MATCAP2: variants seen among roughly 807,000 people sequenced by gnomAD.
MATCAP2 encodes the protein putative tyrosine carboxypeptidase MATCAP2.
chr7:36,356,853 T>C, the MATCAP2 span: 4 of 1,398,968 alleles, frequency 2.9e-6, no homozygotes, highest in Non-Finnish European at 1.0e-6. Flanking sequence ...TCACAGATAA[T>C]TGTTTTAGTA....
At chr7:36,374,502 A>C in the MATCAP2 span, among the ~76,000 whole-genome samples, 9 of 152,264 alleles carry the variant, frequency 5.9e-5, no homozygotes, top group South Asian at 1.9e-3. Flanking sequence ...AACAAGATTC[A>C]AAAACCCCTA....
the MATCAP2 span, among the ~76,000 whole-genome samples, chr7:36,386,036 T>C: frequency 6.6e-6 from 1 of 151,816 alleles, no homozygotes; most frequent in Admixed American, 6.6e-5. Flanking sequence ...ATGCCTGTTG[T>C]CCCAGCTACT....
chr7:36,389,945 G>A, the MATCAP2 span: 1 of 1,613,174 alleles, frequency 6.2e-7, no homozygotes, highest in East Asian at 2.2e-5. Context: ...TTTTCCAGGA[G>A]ACACACTGAG....
At chr7:36,340,461 T>C in the MATCAP2 span, among the ~76,000 whole-genome samples, 1 of 152,248 alleles carries the variant, frequency 6.6e-6, no homozygotes, top group Non-Finnish European at 1.5e-5. Flanking sequence ...TCACCTCCTT[T>C]GTTTCATCTT....
At chr7:36,357,086 C>T in the MATCAP2 span, 3 of 1,614,096 alleles carry the variant, frequency 1.9e-6, no homozygotes, top group African/African-American at 1.3e-5. Context: ...AAAGTCATCT[C>T]CCTTTTCAAA....
chr7:36,364,056 T>G, the MATCAP2 span, among the ~76,000 whole-genome samples: 1 of 151,582 alleles, frequency 6.6e-6, no homozygotes, highest in African/African-American at 2.4e-5. Flanking sequence ...TTTTTTTTTT[T>G]TAAATCCCGG....
chr7:36,345,783 T>C, the MATCAP2 span, among the ~76,000 whole-genome samples: 1 of 152,146 alleles, frequency 6.6e-6, no homozygotes, highest in Non-Finnish European at 1.5e-5. Context: ...TACATCTTCA[T>C]GACCCTGGAT....
chr7:36,387,431 AT>A, the MATCAP2 span, among the ~76,000 whole-genome samples: 1 of 152,094 alleles, frequency 6.6e-6, no homozygotes, highest in Non-Finnish European at 1.5e-5. Flanking sequence ...TTGTTTTCAA[AT>A]TTTTTTATTT....
At chr7:36,331,112 T>C in the MATCAP2 span, 39 of 1,374,032 alleles carry the variant, frequency 2.8e-5, no homozygotes, top group Non-Finnish European at 3.9e-5. Context: ...TACTTTCTGA[T>C]GTTCAGAAAA....
At chr7:36,337,464 CT>C in the MATCAP2 span, among the ~76,000 whole-genome samples, 1 of 152,096 alleles carries the variant, frequency 6.6e-6, no homozygotes, top group Non-Finnish European at 1.5e-5. Flanking sequence ...CAAAATTCAA[CT>C]CTATCTTACA....
the MATCAP2 span, among the ~76,000 whole-genome samples, chr7:36,352,618 A>C: frequency 6.6e-6 from 1 of 151,972 alleles, no homozygotes; most frequent in Non-Finnish European, 1.5e-5. Flanking sequence ...ACTTGAGGTC[A>C]GGAGTTCGAG....
At chr7:36,341,337 G>GA in the MATCAP2 span, among the ~76,000 whole-genome samples, 2 of 152,088 alleles carry the variant, frequency 1.3e-5, no homozygotes, top group Admixed American at 6.6e-5. Context: ...TGGGTAAGAA[G>GA]AAAAAAGAGA....
the MATCAP2 span, among the ~76,000 whole-genome samples, chr7:36,341,366 G>A: frequency 6.6e-6 from 1 of 152,172 alleles, no homozygotes; most frequent in Admixed American, 6.5e-5. Context: ...ATTGCATTCC[G>A]GGATATGTGG....
At chr7:36,333,273 T>TTAGA in the MATCAP2 span, among the ~76,000 whole-genome samples, 1 of 152,138 alleles carries the variant, frequency 6.6e-6, no homozygotes, top group Admixed American at 6.5e-5. Flanking sequence ...AAATCACATA[T>TTAGA]TAGATAATTC....
the MATCAP2 span, chr7:36,326,115 A>G: frequency 1.3e-5 from 2 of 152,148 alleles, no homozygotes; most frequent in African/African-American, 2.4e-5. Context: ...AAATGAAAAC[A>G]TAGTTAAGAG....
At chr7:36,360,645 T>C in the MATCAP2 span, among the ~76,000 whole-genome samples, 1 of 152,242 alleles carries the variant, frequency 6.6e-6, no homozygotes, top group African/African-American at 2.4e-5. Context: ...ACAGTAATTG[T>C]ATTTCAGTTA....
At chr7:36,379,847 C>CAGAGAGAGAGAGAGAGAGAGAG in the MATCAP2 span, among the ~76,000 whole-genome samples, 3 of 107,604 alleles carry the variant, frequency 2.8e-5, no homozygotes, top group Admixed American at 1.9e-4. Flanking sequence ...CACACACACA[C>CAGAGAGAGAGAGAGAGAGAGAG]AGAGAGAGAG....
the MATCAP2 span, chr7:36,335,006 C>A: frequency 1.9e-6 from 3 of 1,560,764 alleles, no homozygotes; most frequent in South Asian, 3.6e-5. Context: ...GAGCTAATTC[C>A]TGATATTACA....
the MATCAP2 span, among the ~76,000 whole-genome samples, chr7:36,384,189 A>T: frequency 6.6e-6 from 1 of 152,128 alleles, no homozygotes; most frequent in African/African-American, 2.4e-5. Context: ...AAAAGACATA[A>T]TTATTATTTC....
Sources: gnomAD v4.1 joint callset for allele counts (sites outside exome capture counted in the v4.1 genomes callset) on GRCh38, gnomAD v4.1.1 for gene constraint, MANE v1.5 for transcripts, NCBI Gene and HGNC (gene_info 2026-07-23, HGNC 2026-07-21) for gene names.